Variants in MAST2 observed in about 807,000 individuals in gnomAD.
The protein encoded by MAST2 is microtubule associated serine/threonine kinase 2.
In MAST2, 70 loss-of-function variants were observed where a neutral mutation model predicts 147.4. The ratio of observed to expected loss-of-function variants is 0.47; its 90% CI spans 0.39 to 0.58. MAST2 has a LOEUF of 0.58. MAST2 is among the 20% of genes least tolerant of loss of function. The probability of loss-of-function intolerance (pLI) is 0.00; values close to 1 mark genes in which losing one functional copy is unlikely to be tolerated. For missense variants in MAST2, 2,080 were observed against 2,302.3 expected (o/e 0.90, Z 1.98); for synonymous variants, 869 against 896.8 (o/e 0.97, Z 0.55).
chr1:45,993,628 G>A (rs1644933657), intron 5 of MAST2, among the ~76,000 whole-genome samples: 1 of 152,112 alleles, frequency 6.6e-6, no homozygotes, highest in African/African-American at 2.4e-5. Context: ...AGCTTGCAGT[G>A]AGCCAAGGTT....
At chr1:45,959,012 G>T (rs1030340467) in intron 4 of MAST2, among the ~76,000 whole-genome samples, 2 of 152,162 alleles carry the variant, frequency 1.3e-5, no homozygotes, top group Non-Finnish European at 2.9e-5. Flanking sequence ...GAGAATATGA[G>T]AATATTTTGA....
intron 3 of MAST2, among the ~76,000 whole-genome samples, chr1:45,872,483 T>G (rs900047016): frequency 6.5e-5 from 9 of 139,210 alleles, no homozygotes; most frequent in South Asian, 4.4e-4. Context: ...CATTTCGTGG[T>G]TTTTTTTTTT....
At chr1:46,006,883 G>A (rs140304085) in intron 8 of MAST2, among the ~76,000 whole-genome samples, 48 of 152,362 alleles carry the variant, frequency 3.2e-4, no homozygotes, top group East Asian at 3.9e-4. Flanking sequence ...TCTGGCTCCA[G>A]AACCCATTGG....
intron 5 of MAST2, among the ~76,000 whole-genome samples, chr1:45,969,858 T>G (rs1643843888): frequency 6.6e-6 from 1 of 152,150 alleles, no homozygotes; most frequent in African/African-American, 2.4e-5. Flanking sequence ...AAACAGTCCC[T>G]GGTGCCAAAA....
At chr1:45,958,346 A>G (rs1327072009) in intron 4 of MAST2, among the ~76,000 whole-genome samples, 1 of 151,564 alleles carries the variant, frequency 6.6e-6, no homozygotes, top group Non-Finnish European at 1.5e-5. Context: ...GAACATCCCA[A>G]ATTTGTTCTT....
intron 3 of MAST2, among the ~76,000 whole-genome samples, chr1:45,846,538 T>C (rs893599923): frequency 3.3e-5 from 5 of 152,188 alleles, no homozygotes; most frequent in African/African-American, 1.2e-4. Context: ...ATAAATATCA[T>C]AGGCCAGGTG....
At chr1:45,896,042 ATTT>A (rs71062724) in intron 4 of MAST2, among the ~76,000 whole-genome samples, 11 of 129,350 alleles carry the variant, frequency 8.5e-5, no homozygotes, top group Non-Finnish European at 1.3e-4. Context: ...TATTTCTTAG[ATTT>A]TTTTTTTTTT....
chr1:45,984,104 T>A (rs1644519455), intron 5 of MAST2, among the ~76,000 whole-genome samples: 1 of 152,194 alleles, frequency 6.6e-6, no homozygotes, highest in African/African-American at 2.4e-5. Flanking sequence ...ATTTTTGATC[T>A]ATTGTTTAAA....
At chr1:45,880,560 A>G (rs1483435533) in intron 3 of MAST2, among the ~76,000 whole-genome samples, 2 of 152,352 alleles carry the variant, frequency 1.3e-5, no homozygotes, top group East Asian at 3.9e-4. Context: ...AGATTTGTAC[A>G]GTTGAATGTT....
chr1:45,987,777 A>ATTTTTTTTTTTTTTTTTTTTTTTTTTG lies in MAST2; in HGVS notation c.593-9923_593-9922insTTGTTTTTTTTTTTTTTTTTTTTTTTT. On this transcript the variant is annotated intron_variant, in intron 5 of 28. Transcript: ENST00000361297. Reference sequence around the variant, plus strand: ...AGCATTTCTTGTTTTTTTTTTTTTGATTTTTTTTTTTTTTTTTTTTTTTTG... The same window carrying ATTTTTTTTTTTTTTTTTTTTTTTTTTG: ...AGCATTTCTTGTTTTTTTTTTTTTGATTTTTTTTTTTTTTTTTTTTTTTTTTGTTTTTTTTTTTTTTTTTTTTTTTTG... 9.2e-4 allele frequency among the ~76,000 whole-genome samples: 20 copies of ATTTTTTTTTTTTTTTTTTTTTTTTTTG among 21,806 alleles called. 2 individuals are homozygous for ATTTTTTTTTTTTTTTTTTTTTTTTTTG. Among genetic ancestry groups the ATTTTTTTTTTTTTTTTTTTTTTTTTTG allele is most frequent in the South Asian group, 6.5e-3 (2 of 310 alleles). 14.3% of individuals were successfully genotyped at this position (21,806 alleles called of 152,430 possible).
intron 1 of MAST2, among the ~76,000 whole-genome samples, chr1:45,815,101 T>G (rs543448676): frequency 9.2e-4 from 140 of 152,164 alleles, no homozygotes; most frequent in Non-Finnish European, 1.7e-3. Context: ...CTTTAACCAT[T>G]AATTTGTTGG....
intron 6 of MAST2, among the ~76,000 whole-genome samples, chr1:45,999,201 G>A (rs181665164): frequency 1.1e-3 from 165 of 152,224 alleles, no homozygotes; most frequent in Admixed American, 3.8e-3. Flanking sequence ...AGCTGACGTG[G>A]GTTTCCTCCT....
At chr1:45,871,336 C>A (rs912527319) in intron 3 of MAST2, among the ~76,000 whole-genome samples, 3 of 151,894 alleles carry the variant, frequency 2.0e-5, no homozygotes, top group Non-Finnish European at 4.4e-5. Context: ...ACACTACAAG[C>A]ACTCCATGTC....
chr1:45,974,077 G>A (rs1644036153), intron 5 of MAST2, among the ~76,000 whole-genome samples: 2 of 152,202 alleles, frequency 1.3e-5, no homozygotes, highest in African/African-American at 4.8e-5. Flanking sequence ...TACACTGATG[G>A]AAGTGATTCA....
intron 5 of MAST2, among the ~76,000 whole-genome samples, chr1:45,979,429 GTTTT>G (rs10712066): frequency 7.0e-6 from 1 of 143,136 alleles, no homozygotes; most frequent in Non-Finnish European, 1.6e-5. Flanking sequence ...CAGATTTTTT[GTTTT>G]TTTTTTTTTT....
intron 3 of MAST2, among the ~76,000 whole-genome samples, chr1:45,857,445 C>G (rs1570398167): frequency 6.6e-6 from 1 of 152,146 alleles, no homozygotes; most frequent in Non-Finnish European, 1.5e-5. Flanking sequence ...TTGATTGACT[C>G]TCTGTTTAAG....
chr1:46,025,831 G>C lies in MAST2; in HGVS notation c.1919+16G>C. On this transcript the variant is annotated intron_variant, in intron 16 of 28. Transcript: ENST00000361297. ...AGCCTGACAAGTATGTCCACAGTCTGTGTCCCTTGTCCAGGGTCTCCCTCT... is the reference window on the plus strand; with the variant it reads ...AGCCTGACAAGTATGTCCACAGTCTCTGTCCCTTGTCCAGGGTCTCCCTCT... 10 of 1,614,126 alleles carry C rather than the reference G, an allele frequency of 6.2e-6. No homozygotes were observed. The highest frequency in any genetic ancestry group is 5.9e-6 in the Non-Finnish European group (7 of 1,179,970).
chr1:46,035,770 G>A lies in MAST2; in HGVS notation c.5101G>A (p.Glu1701Lys), dbSNP rs1646880155. The A allele has an allele frequency of 6.2e-7, 1 of 1,614,048 alleles. No homozygotes were observed. Among genetic ancestry groups the A allele is most frequent in the Non-Finnish European group, 8.5e-7 (1 of 1,180,028 alleles). The change falls in exon 29 of 29, where the codon GAG (glutamate) becomes AAG (lysine). Residue 1701 changes from glutamate to lysine, a missense_variant. Physicochemically the swap from Glu to Lys is moderately conservative, Grantham distance 56. Coordinates refer to ENST00000361297, the MANE Select transcript of MAST2 (RefSeq NM_015112.3). The surrounding 1 kb of genome is among the most constrained non-coding windows in gnomAD (Gnocchi z 5.5). ...PAQPKNLSPR[E>K]QGKTQPPSAP... ...CCAGCCTAAGAACCTGTCTCCCAGG[G>A]AGCAGGGGAAGACACAGCCACCTAG...
At chr1:45,922,117 A>G (rs548435249) in intron 4 of MAST2, among the ~76,000 whole-genome samples, 96 of 152,056 alleles carry the variant, frequency 6.3e-4, no homozygotes, top group African/African-American at 2.3e-3. Flanking sequence ...TTATCTCCCT[A>G]TGGTCCCTCC....
Sources: allele counts gnomAD v4.1 joint callset (sites outside exome capture counted in the v4.1 genomes callset), GRCh38; gene constraint gnomAD v4.1.1; non-coding constraint Gnocchi (gnomAD v3.1); transcripts MANE v1.5; gene names NCBI Gene and HGNC (gene_info 2026-07-23, HGNC 2026-07-21).